The following ZNF658 variants were observed in gnomAD, a reference collection of about 807,000 sequenced individuals.
The protein encoded by ZNF658 is zinc finger protein 658.
ZNF658 carries 46 observed loss-of-function variants against 78.0 expected under a neutral mutation model. That is an observed-to-expected ratio of 0.59 (90% confidence interval 0.47 to 0.75). ZNF658 has a LOEUF of 0.75. ZNF658 is among the 30% of genes least tolerant of loss of function. ZNF658 has a pLI of 0.00. For missense variants in ZNF658, 785 were observed against 1,189.3 expected, an observed-to-expected ratio of 0.66 and a Z score of 5.00; for synonymous variants, 279 against 408.4, an observed-to-expected ratio of 0.68 and a Z score of 3.82.
chr9:66,922,550 A>G (rs1412032815), downstream of ZNF658, among the ~76,000 whole-genome samples: 2 of 101,762 alleles, frequency 2.0e-5, no homozygotes, highest in African/African-American at 7.4e-5. Flanking sequence ...TTATTGCAAC[A>G]TATGTATATA....
chr9:66,916,476 G>C (rs1334281618), intron 4 of ZNF658, among the ~76,000 whole-genome samples: 1 of 144,044 alleles, frequency 6.9e-6, no homozygotes, highest in Non-Finnish European at 1.5e-5. Flanking sequence ...AATATAGTCT[G>C]TTTTGATGAT....
In ZNF658 at chr9:66,914,157, A is replaced by G. The variant is rs914877750; in HGVS notation, c.239-3648A>G. 7.3e-5 allele frequency among the ~76,000 whole-genome samples: 11 copies of G among 151,520 alleles called. 1 individual carries two copies. Among genetic ancestry groups the G allele is most frequent in the African/African-American group, 2.4e-4 (10 of 40,878 alleles). On this transcript the variant is annotated intron_variant, in intron 4 of 4. Coordinates refer to ENST00000621410, the MANE Select transcript of ZNF658 (RefSeq NM_033160.7). ...CAACGTACAGTCTTCCAGTCCATACACAAAATATCCCTACTGATTTATTTA... is the reference window on the plus strand; with the variant it reads ...CAACGTACAGTCTTCCAGTCCATACGCAAAATATCCCTACTGATTTATTTA...
At chr9:66,908,560 C>T (rs1438920096) in intron 3 of ZNF658, 79 bp from the exon 4 acceptor site, 5 of 1,506,874 alleles carry the variant, frequency 3.3e-6, no homozygotes, top group Non-Finnish European at 4.4e-6. Context: ...TCAGTTAATG[C>T]TTTGCTGCCA....
intron 3 of ZNF658, 48 bp downstream of exon 3, chr9:66,908,412 T>C: frequency 6.2e-7 from 1 of 1,612,532 alleles, no homozygotes; most frequent in Non-Finnish European, 8.5e-7. Context: ...ATGTCCCTTT[T>C]TAAAAAGTAT....
At chr9:66,909,876 A>G (rs1822172582) in intron 4 of ZNF658, among the ~76,000 whole-genome samples, 1 of 152,184 alleles carries the variant, frequency 6.6e-6, no homozygotes, top group Non-Finnish European at 1.5e-5. Flanking sequence ...AATTCTCATG[A>G]TTCTGGAGGC....
chr9:66,918,892 TA>T lies in ZNF658; in HGVS notation c.1328del (p.Asn443MetfsTer17). ...ATGTGGGATTCAAACTTTATGAATG[TA>T]ATGAATGTGGGAAAGCTTTCTGTCA... ...TYVGFKLYEC[N>X]ECGKAFCQNS... On this transcript the variant is annotated frameshift_variant, in exon 5 of 5. Transcript: ENST00000621410. LOFTEE classifies it high-confidence loss of function. The T allele has an allele frequency of 1.3e-6, 2 of 1,580,790 alleles. No homozygotes were observed. Among genetic ancestry groups the T allele is most frequent in the Non-Finnish European group, 1.7e-6 (2 of 1,159,210 alleles).
rs745714394 is a variant in ZNF658 at position 66,920,000 on chromosome 9, G to A, written c.2434G>A (p.Ala812Thr). The A allele has an allele frequency of 1.9e-6, 3 of 1,610,384 alleles. No individual in the cohort carries two copies. Among genetic ancestry groups the A allele is most frequent in the Non-Finnish European group, 1.7e-6 (2 of 1,179,312 alleles). ...VCGKTFVYKA[A>T]LIVHQRIHTG... ...TGGGAAAACTTTTGTCTATAAGGCA[G>A]CCCTCATAGTGCATCAAAGAATTCA... is the stretch of plus-strand genomic sequence containing the variant. Residue 812 changes from alanine to threonine, a missense_variant, in exon 5 of 5, where the codon GCC becomes ACC. Transcript: ENST00000621410.
chr9:66,928,873 T>C (rs1249710337), intron 6 of ZNF658, among the ~76,000 whole-genome samples: 2 of 148,516 alleles, frequency 1.3e-5, no homozygotes, highest in Admixed American at 6.8e-5. Flanking sequence ...ATATTAATTC[T>C]TGACTTTTAA....
At chr9:66,931,150 C>A (rs1356224381) in intron 6 of ZNF658, among the ~76,000 whole-genome samples, 1 of 149,026 alleles carries the variant, frequency 6.7e-6, no homozygotes, top group South Asian at 2.2e-4. Flanking sequence ...CTTAATTTCT[C>A]TCCAAATGAG....
At chr9:66,906,181 G>A (rs1410931114) in intron 2 of ZNF658, among the ~76,000 whole-genome samples, 1 of 138,844 alleles carries the variant, frequency 7.2e-6, no homozygotes, top group Non-Finnish European at 1.5e-5. Flanking sequence ...TGAGTGCTGG[G>A]GCATTCCTTC....
intron 1 of ZNF658, among the ~76,000 whole-genome samples, chr9:66,901,386 G>GA (rs1821949378): frequency 6.6e-6 from 1 of 152,056 alleles, no homozygotes; most frequent in Admixed American, 6.6e-5. Flanking sequence ...CTGTCTGCCT[G>GA]AAACCCAGAC....
chr9:66,925,370 TAAG>T (rs1822575900), downstream of ZNF658, among the ~76,000 whole-genome samples: 4 of 152,092 alleles, frequency 2.6e-5, no homozygotes, highest in Admixed American at 2.6e-4. Context: ...AACAGTGTAC[TAAG>T]AAGAAGGAAG....
At chr9:66,904,824 G>A (rs1325924131) in intron 2 of ZNF658, among the ~76,000 whole-genome samples, 2 of 151,750 alleles carry the variant, frequency 1.3e-5, no homozygotes, top group Admixed American at 6.6e-5. Context: ...TGTTTACCTG[G>A]GAAAATTCCA....
intron 4 of ZNF658, among the ~76,000 whole-genome samples, chr9:66,913,202 A>G (rs1309692328): frequency 6.0e-5 from 9 of 151,158 alleles, no homozygotes; most frequent in Admixed American, 5.9e-4. Flanking sequence ...AGGCGGGTGG[A>G]TCACCTGAGG....
chr9:66,906,848 G>T (rs997659370), intron 2 of ZNF658, among the ~76,000 whole-genome samples: 50 of 151,640 alleles, frequency 3.3e-4, no homozygotes, highest in Non-Finnish European at 6.2e-4. Context: ...TCCGCAGATT[G>T]CTGTAAGCCT....
chr9:66,905,873 G>T (rs1033259601), intron 2 of ZNF658, among the ~76,000 whole-genome samples: 6 of 144,006 alleles, frequency 4.2e-5, no homozygotes, highest in African/African-American at 1.3e-4. Context: ...TAAGTCCAAT[G>T]CCTGCTTCCT....
At chr9:66,909,915 G>C (rs1240177793) in intron 4 of ZNF658, among the ~76,000 whole-genome samples, 5 of 152,200 alleles carry the variant, frequency 3.3e-5, no homozygotes. Context: ...GTACTAATAA[G>C]TTGGTTTCTG....
intron 4 of ZNF658, among the ~76,000 whole-genome samples, chr9:66,909,054 C>T (rs1822152232): frequency 6.6e-6 from 1 of 152,008 alleles, no homozygotes; most frequent in Admixed American, 6.6e-5. Flanking sequence ...TTAAAGTATA[C>T]AAGAGGATGT....
intron 6 of ZNF658, among the ~76,000 whole-genome samples, chr9:66,928,273 CA>C (rs1039348994): frequency 4.1e-5 from 6 of 146,644 alleles, no homozygotes; most frequent in Non-Finnish European, 7.5e-5. Flanking sequence ...CACTTCTATT[CA>C]ACATTGTAAT....
Sources: gnomAD v4.1 joint callset for allele counts (sites outside exome capture counted in the v4.1 genomes callset) on GRCh38, gnomAD v4.1.1 for gene constraint, MANE v1.5 for transcripts, NCBI Gene and HGNC (gene_info 2026-07-23, HGNC 2026-07-21) for gene names.